The following DIXDC1 variants were observed in gnomAD, a reference collection of about 807,000 sequenced individuals.
The protein encoded by DIXDC1 is dixin.
A neutral mutation model predicts 103.1 loss-of-function variants in DIXDC1; 64 were observed. That is an observed-to-expected ratio of 0.62 (90% CI 0.51 to 0.76). The LOEUF (loss-of-function observed/expected upper bound fraction) is 0.76, where lower values mean the gene tolerates loss of function less well. Among genes scored for constraint, DIXDC1 ranks in the 30% least tolerant of loss-of-function variants. The probability of loss-of-function intolerance (pLI) is 0.00; values close to 1 mark genes in which losing one functional copy is unlikely to be tolerated. For synonymous variants in DIXDC1, 266 were observed against 298.5 expected (o/e 0.89, Z 1.12); for missense variants, 759 against 834.2 (o/e 0.91, Z 1.11).
At chr11:111,950,591 G>A (rs1406050236) in intron 1 of DIXDC1, among the ~76,000 whole-genome samples, 1 of 150,746 alleles carries the variant, frequency 6.6e-6, no homozygotes, top group Non-Finnish European at 1.5e-5. Flanking sequence ...GAGTAGCTGG[G>A]ATTACAGGCG....
chr11:111,985,039 A>C (rs2137559316), intron 7 of DIXDC1, among the ~76,000 whole-genome samples, 193 bp from the exon 8 acceptor site: 1 of 152,362 alleles, frequency 6.6e-6, no homozygotes, highest in African/African-American at 2.4e-5. Context: ...TGAAAGAGCC[A>C]GAGCATGGAC....
In DIXDC1 at chr11:111,993,563, A is replaced by C; in HGVS notation, c.1340A>C (p.Lys447Thr). 6.2e-7 allele frequency: 1 copy of C among 1,613,982 alleles called. No individual in the cohort carries two copies. Among genetic ancestry groups the C allele is most frequent in the Non-Finnish European group, 8.5e-7 (1 of 1,179,894 alleles). ...GCCAAGTTAGAAGAAGCACTCCGGAAACTCTCTGATGTCAGTTACCACCAG... is the reference window on the plus strand; with the variant it reads ...GCCAAGTTAGAAGAAGCACTCCGGACACTCTCTGATGTCAGTTACCACCAG... ...HQAKLEEALR[K>T]LSDVSYHQVD... Residue 447 changes from lysine to threonine, a missense_variant, in exon 13 of 20, where the codon AAA becomes ACA. By Grantham distance (78) the Lys-to-Thr change is moderately conservative. Coordinates refer to ENST00000440460, the MANE Select transcript of DIXDC1 (RefSeq NM_001037954.4).
chr11:111,937,521 G>A lies in DIXDC1; in HGVS notation c.22G>A (p.Gly8Arg). The change falls in exon 1 of 20, where the codon GGG becomes AGG. Residue 8 changes from glycine (G) to arginine (R), a missense_variant. Physicochemically the swap from Gly to Arg is moderately radical, Grantham distance 125. Around this residue, in one of 3 missense-constraint regions of DIXDC1, gnomAD observed 97 missense variants for 85.4 expected, o/e 1.14. Coordinates refer to ENST00000440460, the MANE Select transcript of DIXDC1 (RefSeq NM_001037954.4). ...AACAATGCTAGCCTGCCTGACCCGA[G>A]GGAACTTACTGGACGTCCTGCAGGA... The part of the protein sequence containing the change: MLACLTR[G>R]NLLDVLQEGF... The A allele has an allele frequency of 6.3e-7, 1 of 1,596,524 alleles. No individual in the cohort carries two copies. Among genetic ancestry groups the A allele is most frequent in the South Asian group, 1.1e-5 (1 of 87,786 alleles).
chr11:111,948,013 G>A (rs1966655034), intron 1 of DIXDC1, among the ~76,000 whole-genome samples: 1 of 152,136 alleles, frequency 6.6e-6, no homozygotes, highest in Non-Finnish European at 1.5e-5. Flanking sequence ...TTTAAAAAAA[G>A]AGAAAAGAAT....
At chr11:111,978,006 G>A (rs1462070641) in intron 5 of DIXDC1, among the ~76,000 whole-genome samples, 1 of 152,168 alleles carries the variant, frequency 6.6e-6, no homozygotes, top group Admixed American at 6.5e-5. Context: ...GCGCCTGCCA[G>A]GGTCTTTGGT....
rs587625264 is a variant in DIXDC1 at position 111,999,058 on chromosome 11, A to G, written c.1756+2912A>G. Reference sequence around the variant, plus strand: ...TCTTAGTTTCCTTTTTTATGGAACCAAAGTAATATTGAAGAATTTGAGCAT... The same window carrying G: ...TCTTAGTTTCCTTTTTTATGGAACCGAAGTAATATTGAAGAATTTGAGCAT... On this transcript the variant is annotated intron_variant, in intron 17 of 19. Coordinates refer to ENST00000440460, the MANE Select transcript of DIXDC1 (RefSeq NM_001037954.4). Among the ~76,000 whole-genome samples, 6 of 152,364 alleles carry G rather than the reference A, an allele frequency of 3.9e-5. No homozygotes were observed. The South Asian group carries it at 1.2e-3, about 32-fold the overall frequency.
At chr11:111,931,063 A>G (rs1965999352) in intron 2 of DIXDC1, among the ~76,000 whole-genome samples, 1 of 151,852 alleles carries the variant, frequency 6.6e-6, no homozygotes, top group South Asian at 2.1e-4. Context: ...CATGTTGATC[A>G]GGCTGGTCTC....
chr11:111,986,997 TC>T, intron 9 of DIXDC1, 73 bp downstream of exon 9: 1 of 1,292,990 alleles, frequency 7.7e-7, no homozygotes, highest in Non-Finnish European at 1.1e-6. Context: ...GCGCCTGTAA[TC>T]CCAGCACTTT....
chr11:112,017,638 C>T lies in DIXDC1; in HGVS notation c.1863-139C>T, dbSNP rs1260227627. On this transcript the variant is annotated intron_variant, in intron 18 of 19. Transcript: ENST00000440460. The surrounding 1 kb of genome is among the most constrained non-coding windows in gnomAD (Gnocchi z 4.0). ...CTCCAGCCTCTGCTGTTTTAGTCATCTGGGTTATCGGGGCAGTGACCTAAC... is the reference window on the plus strand; with the variant it reads ...CTCCAGCCTCTGCTGTTTTAGTCATTTGGGTTATCGGGGCAGTGACCTAAC... 1.4e-5 allele frequency: 8 copies of T among 584,790 alleles called. No homozygotes were observed. The highest frequency in any genetic ancestry group is 1.1e-4 in the Admixed American group (4 of 35,966). The allele number at this position is 584,790 out of a possible 1,614,324, so 36.2% of individuals were successfully genotyped here.
intron 17 of DIXDC1, among the ~76,000 whole-genome samples, chr11:111,999,524 T>A (rs1861001860): frequency 6.6e-6 from 1 of 152,198 alleles, no homozygotes; most frequent in Non-Finnish European, 1.5e-5. Context: ...ACCTTGGATT[T>A]GGCAGTGGAT....
rs781822030 is a variant in DIXDC1 at position 111,955,833 on chromosome 11, C to CAAA, written c.61-8690_61-8688dup. On this transcript the variant is annotated intron_variant, in intron 1 of 19. Transcript: ENST00000440460. ...TAGGTGACAGAGTGAGACTCTAGCT[C>CAAA]AAAAAAAAAAAAAAAAAAAAAAAAA... 1.8e-3 allele frequency among the ~76,000 whole-genome samples: 31 copies of CAAA among 17,662 alleles called. 4 individuals carry two copies. The highest frequency in any genetic ancestry group is 3.4e-3 in the African/African-American group (25 of 7,348). The allele number at this position is 17,662 out of a possible 152,430, so 11.6% of individuals were successfully genotyped here. A position where few individuals can be genotyped will look rare whatever the true frequency, so the allele number is the denominator to read the frequency against.
At chr11:111,931,702 AAAT>A (rs1966023972) in intron 2 of DIXDC1, among the ~76,000 whole-genome samples, 1 of 152,170 alleles carries the variant, frequency 6.6e-6, no homozygotes, top group African/African-American at 2.4e-5. Flanking sequence ...TCAACATTTA[AAAT>A]AATAAATTAC....
rs779037290 is a variant in DIXDC1 at position 111,989,950 on chromosome 11, G to A, written c.1113+895G>A. Among the ~76,000 whole-genome samples, 513 of 146,158 alleles carry A rather than the reference G, an allele frequency of 3.5e-3. 4 individuals are homozygous for A. Among genetic ancestry groups the A allele is most frequent in the South Asian group, 3.1e-3 (14 of 4,558 alleles). ...TCTACAGGTGCCCGCCACCACGCCCGGCTAATTTTTTGTATTTTTTTAGTA... is the reference window on the plus strand; with the variant it reads ...TCTACAGGTGCCCGCCACCACGCCCAGCTAATTTTTTGTATTTTTTTAGTA... On this transcript the variant is annotated intron_variant, in intron 10 of 19. Transcript: ENST00000440460.
At chr11:111,957,486 GTTAAC>G (rs1859427377) in intron 1 of DIXDC1, among the ~76,000 whole-genome samples, 1 of 152,234 alleles carries the variant, frequency 6.6e-6, no homozygotes. Context: ...AGTGACTGAA[GTTAAC>G]TTCAATAACG....
At chr11:111,929,565 G>A (rs73560053) in intron 1 of DIXDC1, among the ~76,000 whole-genome samples, 3,546 of 147,564 alleles carry the variant, frequency 0.024, 155 homozygotes, top group African/African-American at 0.085. Flanking sequence ...CCTGAGTGCC[G>A]GAGTGAGACC....
At chr11:111,929,115 G>A (rs1965932274) in intron 1 of DIXDC1, among the ~76,000 whole-genome samples, 1 of 152,132 alleles carries the variant, frequency 6.6e-6, no homozygotes, top group African/African-American at 2.4e-5. Context: ...GGAGGCAGAG[G>A]TTGCTGTGAG....
chr11:111,995,370 G>A, intron 15 of DIXDC1, 33 bp from the exon 16 acceptor site: 2 of 1,606,056 alleles, frequency 1.2e-6, no homozygotes, highest in South Asian at 2.2e-5. Flanking sequence ...GTGGCACCGT[G>A]CCATGCCAGC....
intron 1 of DIXDC1, among the ~76,000 whole-genome samples, chr11:111,952,177 T>C (rs587612198): frequency 2.2e-4 from 34 of 152,262 alleles, no homozygotes; most frequent in African/African-American, 8.2e-4. Context: ...AAAATCTCTT[T>C]TTCTTCCCAG....
intron 3 of DIXDC1, among the ~76,000 whole-genome samples, chr11:111,971,211 T>C (rs1423493915): frequency 1.3e-5 from 2 of 152,172 alleles, no homozygotes; most frequent in Non-Finnish European, 2.9e-5. Flanking sequence ...GGAGGAAATA[T>C]TCACAAACTA....
Sources: gnomAD v4.1 joint callset for allele counts (sites outside exome capture counted in the v4.1 genomes callset) on GRCh38, gnomAD v4.1.1 for gene constraint, gnomAD v4.1.1 regional missense constraint, Gnocchi (gnomAD v3.1) non-coding constraint, MANE v1.5 for transcripts, NCBI Gene and HGNC (gene_info 2026-07-23, HGNC 2026-07-21) for gene names.